NBPF26: variants seen among roughly 807,000 people sequenced by gnomAD.
NBPF26 encodes NBPF member 26.
In NBPF26, 79 loss-of-function variants were observed where a neutral mutation model predicts 119.6. That is an observed-to-expected ratio of 0.66 (90% CI 0.55 to 0.80). The LOEUF is 0.80. Among genes scored for constraint, NBPF26 ranks in the 30% least tolerant of loss-of-function variants. The pLI is 0.00. For missense variants in NBPF26, 800 were observed against 1,198.2 expected, an observed-to-expected ratio of 0.67 and a Z score of 4.91; for synonymous variants, 299 against 457.7, an observed-to-expected ratio of 0.65 and a Z score of 4.43.
rs1553271031 is a variant in NBPF26, at chr1:120,811,926, G to C, written c.1605G>C (p.Val535=). 3 of 1,115,920 alleles carry C rather than the reference G, an allele frequency of 2.7e-6. No homozygotes were observed. The Admixed American group carries it at 6.0e-5, about 22-fold the overall frequency. 69.1% of individuals were successfully genotyped at this position (1,115,920 alleles called of 1,614,324 possible). ...CTTCTGCCACAAACGTCAGCATGGT[G>C]GTATCAGCCGGCCCTTTGTCCGGCG... Residue 535 remains valine (V), a synonymous_variant, in exon 10 of 30, where the codon GTG becomes GTC. Coordinates refer to ENST00000620612, the Ensembl canonical transcript of NBPF26.
chr1:120,813,548 G>A (rs1651929216), intron 10 of NBPF26, among the ~76,000 whole-genome samples: 1 of 128,026 alleles, frequency 7.8e-6, no homozygotes, highest in South Asian at 2.3e-4. Context: ...TCATGCCCCA[G>A]TGCAGTGTTT....
Position 120,810,788 on chromosome 1 carries a change from A to T in NBPF26, c.1564+230A>T, listed in dbSNP as rs1189902124. On this transcript the variant is annotated intron_variant, in intron 9 of 29. Coordinates refer to ENST00000620612, the Ensembl canonical transcript of NBPF26. Reference sequence around the variant, plus strand: ...ACACAATATGGTGAAACCCATCTTTACAAAGAATACAAAAAATTAGGCAGG... The same window carrying T: ...ACACAATATGGTGAAACCCATCTTTTCAAAGAATACAAAAAATTAGGCAGG... Among the ~76,000 whole-genome samples the T allele has an allele frequency of 3.6e-5, 4 of 110,746 alleles. 1 individual carries two copies. The highest frequency in any genetic ancestry group is 3.4e-4 in the Admixed American group (4 of 11,736). 72.7% of individuals were successfully genotyped at this position (110,746 alleles called of 152,430 possible). A position where few individuals can be genotyped will look rare whatever the true frequency, so the allele number is the denominator to read the frequency against.
intron 17 of NBPF26, among the ~76,000 whole-genome samples, chr1:120,823,752 C>CTGTGTGTGTGTGTGTG (rs1177031452): frequency 0.011 from 834 of 73,290 alleles, 49 homozygotes; most frequent in African/African-American, 0.021. Context: ...TGAGCTCGCT[C>CTGTGTGTGTGTGTGTG]TGTGTGTGTG....
chr1:120,819,078 G>T (rs1652075057), intron 15 of NBPF26, among the ~76,000 whole-genome samples: 1 of 124,358 alleles, frequency 8.0e-6, no homozygotes, highest in Admixed American at 7.8e-5. Context: ...TGACAGTGGG[G>T]TGTTAAAGTC....
At chr1:120,813,290 C>G (rs1651921811) in intron 10 of NBPF26, among the ~76,000 whole-genome samples, 1 of 126,880 alleles carries the variant, frequency 7.9e-6, no homozygotes, top group South Asian at 2.3e-4. Flanking sequence ...ATTAGTTCTT[C>G]ATTCTGCTGT....
chr1:120,807,864 AAGG>A (rs1342872499), intron 6 of NBPF26, among the ~76,000 whole-genome samples, 155 bp downstream of exon 6: 3 of 118,958 alleles, frequency 2.5e-5, no homozygotes, highest in East Asian at 4.0e-4. Flanking sequence ...TCAAACAGAG[AAGG>A]AGGATAGTAA....
rs1652195575 is a variant in NBPF26 at position 120,823,910 on chromosome 1, T to C, written c.2640-64T>C. On this transcript the variant is annotated intron_variant, in intron 17 of 29. Coordinates refer to ENST00000620612, the Ensembl canonical transcript of NBPF26. The stretch of plus-strand genomic sequence containing the variant: ...TCTTCCTTACATTAGCCATGAAATC[T>C]AGCTGGGGCTGTGTGGTTTCTGATT... 4.2e-6 allele frequency: 2 copies of C among 479,116 alleles called. 1 individual carries two copies. Among genetic ancestry groups the C allele is most frequent in the Non-Finnish European group, 7.3e-6 (2 of 272,236 alleles). 29.7% of individuals were successfully genotyped at this position (479,116 alleles called of 1,614,324 possible).
In NBPF26 at chr1:120,805,401, T is replaced by C. The variant is rs1651656390; in HGVS notation, c.752-155T>C. 10 of 1,209,342 alleles carry C rather than the reference T, an allele frequency of 8.3e-6. 2 individuals carry two copies. Among genetic ancestry groups the C allele is most frequent in the Middle Eastern group, 2.7e-4 (1 of 3,698 alleles). The allele number at this position is 1,209,342 out of a possible 1,614,324, so 74.9% of individuals were successfully genotyped here. Reference sequence around the variant, plus strand: ...AGTTGAGGCACCTCGAACCTTGTTTTTGTGGTGAAGGATCCTAAAGTGCTG... The same window carrying C: ...AGTTGAGGCACCTCGAACCTTGTTTCTGTGGTGAAGGATCCTAAAGTGCTG... On this transcript the variant is annotated intron_variant, in intron 4 of 29. Coordinates refer to ENST00000620612, the Ensembl canonical transcript of NBPF26.
At chr1:120,805,271 C>T (rs1651653010) in intron 4 of NBPF26, 2 of 1,049,634 alleles carry the variant, frequency 1.9e-6, no homozygotes, top group Admixed American at 4.9e-5. Context: ...GACACCCCCA[C>T]CTTCTAATTC....
rs1346934690 is a variant in NBPF26, at chr1:120,805,996, T to A, written c.961+231T>A. On this transcript the variant is annotated intron_variant, in intron 5 of 29. Coordinates refer to ENST00000620612, the Ensembl canonical transcript of NBPF26. ...GGTGGAACTAGAGTTAAACTCACAG[T>A]TATTGATTTCTAACACAGGCACAGA... Among the ~76,000 whole-genome samples the A allele has an allele frequency of 1.8e-5, 2 of 110,138 alleles. 1 individual carries two copies. The highest frequency in any genetic ancestry group is 3.5e-5 in the Non-Finnish European group (2 of 56,792). 72.3% of individuals were successfully genotyped at this position (110,138 alleles called of 152,430 possible).
chr1:120,808,433 C>A (rs1651763624), intron 6 of NBPF26, 112 bp from the exon 7 acceptor site: 1 of 1,006,226 alleles, frequency 9.9e-7, no homozygotes, highest in South Asian at 1.3e-5. Context: ...GTGTGCTGAC[C>A]TTCTGTTTCA....
At chr1:120,839,974 A>C (rs1288020590) in intron 29 of NBPF26, among the ~76,000 whole-genome samples, 1 of 44,530 alleles carries the variant, frequency 2.2e-5, no homozygotes. Flanking sequence ...TCTCATGGCC[A>C]CTGCATCGAA....
At position 120,823,362 on chromosome 1, in the gene NBPF26, T is replaced by G; in HGVS notation, c.2639+2T>G. 7.2e-7 allele frequency: 1 copy of G among 1,393,886 alleles called. No individual in the cohort carries two copies. Among genetic ancestry groups the G allele is most frequent in the Non-Finnish European group, 9.6e-7 (1 of 1,043,094 alleles). The allele number at this position is 1,393,886 out of a possible 1,614,324, so 86.3% of individuals were successfully genotyped here. A position where few individuals can be genotyped will look rare whatever the true frequency, so the allele number is the denominator to read the frequency against. ...GGACCACGAGGCAACAGGTCCCAGG[T>G]GAGTCTGAGAAATTGTGGACAGTTA... On this transcript the variant is annotated splice_donor_variant, in intron 17 of 29. Transcript: ENST00000620612. LOFTEE classifies it high-confidence loss of function.
exon 30 of NBPF26, chr1:120,840,502 G>A (rs1652493061): frequency 6.8e-7 from 1 of 1,476,612 alleles, no homozygotes; most frequent in Non-Finnish European, 9.2e-7. Flanking sequence ...GAGCATATCA[G>A]CTTCGCCCTT....
chr1:120,840,709 G>T, downstream of NBPF26: 6 of 1,240,290 alleles, frequency 4.8e-6, no homozygotes, highest in South Asian at 1.4e-5. Context: ...GGTTCAGTGG[G>T]CATGGCTCTA....
chr1:120,767,968 G>A (rs1311193672), intron 2 of NBPF26, among the ~76,000 whole-genome samples: 1 of 116,630 alleles, frequency 8.6e-6, no homozygotes, highest in South Asian at 2.5e-4. Context: ...CTCCTTCTTT[G>A]GACCATGGGT....
Position 120,755,468 on chromosome 1 carries a change from GC to G in NBPF26, c.74-8159del, listed in dbSNP as rs1193526381. On this transcript the variant is annotated intron_variant, in intron 1 of 29. Coordinates refer to ENST00000620612, the Ensembl canonical transcript of NBPF26. ...ATCCAGGTATTGAAATTTAACCCAT[GC>G]ATAAATTGAATTTTTTTCTGAAGTC... Among the ~76,000 whole-genome samples, 5 of 93,648 alleles carry G rather than the reference GC, an allele frequency of 5.3e-5. 2 individuals are homozygous for G. The highest frequency in any genetic ancestry group is 2.2e-4 in the African/African-American group (3 of 13,346). 61.4% of individuals were successfully genotyped at this position (93,648 alleles called of 152,430 possible).
At chr1:120,778,618 A>T (rs1365984083) in intron 2 of NBPF26, among the ~76,000 whole-genome samples, 1 of 65,408 alleles carries the variant, frequency 1.5e-5, no homozygotes, top group Non-Finnish European at 2.6e-5. Context: ...TTTAAAAAAA[A>T]AAAAAAAAAA....
chr1:120,768,163 C>T lies in NBPF26; in HGVS notation c.155+4454C>T, dbSNP rs1401832466. On this transcript the variant is annotated intron_variant, in intron 2 of 29. Coordinates refer to ENST00000620612, the Ensembl canonical transcript of NBPF26. The stretch of plus-strand genomic sequence containing the variant: ...TAGGGTGGGCCTACTTCTGTTCTGC[C>T]CTTAGTCCGATGACACAAATCTTAG... 8.1e-5 allele frequency among the ~76,000 whole-genome samples: 9 copies of T among 110,874 alleles called. 1 individual carries two copies. Among genetic ancestry groups the T allele is most frequent in the East Asian group, 2.2e-4 (1 of 4,568 alleles). The allele number at this position is 110,874 out of a possible 152,430, so 72.7% of individuals were successfully genotyped here. A position where few individuals can be genotyped will look rare whatever the true frequency, so the allele number is the denominator to read the frequency against.
Sources: allele counts gnomAD v4.1 joint callset (sites outside exome capture counted in the v4.1 genomes callset), GRCh38; gene constraint gnomAD v4.1.1; transcripts MANE v1.5; gene names NCBI Gene and HGNC (gene_info 2026-07-23, HGNC 2026-07-21).